Variants in APOBEC3B observed in about 807,000 individuals in gnomAD.
The protein encoded by APOBEC3B is DNA dC->dU-editing enzyme APOBEC-3B.
APOBEC3B carries 29 observed loss-of-function variants against 53.4 expected under a neutral mutation model. The observed-to-expected ratio is 0.54, with a 90% confidence interval of 0.40 to 0.74. The LOEUF (loss-of-function observed/expected upper bound fraction) is 0.74, where lower values mean the gene tolerates loss of function less well. Among genes scored for constraint, APOBEC3B ranks in the 30% least tolerant of loss-of-function variants. The probability of loss-of-function intolerance (pLI) is 0.00; values close to 1 mark genes in which losing one functional copy is unlikely to be tolerated. For missense variants in APOBEC3B, 347 were observed against 496.2 expected (o/e 0.70, Z 2.86); for synonymous variants, 132 against 184.8 (o/e 0.71, Z 2.32).
chr22:38,983,970 C>G lies in APOBEC3B; in HGVS notation c.18-105C>G, dbSNP rs115649149. 1,819 of 1,357,720 alleles carry G rather than the reference C, an allele frequency of 1.3e-3. 268 individuals carry two copies. The East Asian group carries it at 0.042, about 31-fold the overall frequency. 84.1% of individuals were successfully genotyped at this position (1,357,720 alleles called of 1,614,324 possible). On this transcript the variant is annotated intron_variant, in intron 1 of 7. Transcript: ENST00000333467. ...GAAATTCTCAGGGCTGTGGAGGGGT[C>G]GGGGAGGCCCAGGGCCATCCTGGGA...
chr22:38,987,438 C>T (rs745596816), intron 4 of APOBEC3B, among the ~76,000 whole-genome samples: 3 of 148,530 alleles, frequency 2.0e-5, no homozygotes, highest in African/African-American at 4.9e-5. Flanking sequence ...TGAAAGTCAC[C>T]GCTGGGCTGG....
chr22:38,991,171 A>T (rs567691394), intron 5 of APOBEC3B, among the ~76,000 whole-genome samples, 161 bp from the exon 6 acceptor site: 3 of 148,576 alleles, frequency 2.0e-5, no homozygotes, highest in Non-Finnish European at 4.5e-5. Context: ...ATAACATCTG[A>T]TATTTTTAAT....
At chr22:38,984,029 C>A (rs377626351) in intron 1 of APOBEC3B, 46 bp from the exon 2 acceptor site, 9 of 1,565,332 alleles carry the variant, frequency 5.7e-6, no homozygotes, top group South Asian at 1.2e-5. Flanking sequence ...CCGAGGACTC[C>A]CGGGAGGGCT....
intron 4 of APOBEC3B, among the ~76,000 whole-genome samples, 153 bp from the exon 5 acceptor site, chr22:38,989,304 T>C (rs927507697): frequency 7.4e-5 from 11 of 147,916 alleles, no homozygotes; most frequent in African/African-American, 2.7e-4. Flanking sequence ...AGAGAGAGGA[T>C]CAGTGGCCCC....
chr22:38,990,066 G>A lies in APOBEC3B; in HGVS notation c.723+456G>A, dbSNP rs1266639888. 6.0e-5 allele frequency among the ~76,000 whole-genome samples: 5 copies of A among 83,118 alleles called. 1 individual carries two copies. Among genetic ancestry groups the A allele is most frequent in the African/African-American group, 1.0e-4 (2 of 19,558 alleles). 54.5% of individuals were successfully genotyped at this position (83,118 alleles called of 152,430 possible). The stretch of plus-strand genomic sequence containing the variant: ...AACAGGTCCCATGTCAGGATGCAAA[G>A]ATGGCCAGCAGTTGGGGAAGAACTG... On this transcript the variant is annotated intron_variant, in intron 5 of 7. Coordinates refer to ENST00000333467, the MANE Select transcript of APOBEC3B (RefSeq NM_004900.5).
Position 38,992,019 on chromosome 22 carries a change from C to A in APOBEC3B, c.1019-15C>A. ...CACAACAGGAGCGTGACTTATCTCC[C>A]CTGTCCCTTTTCAGAGTTTGAGTAC... is the stretch of plus-strand genomic sequence containing the variant. On this transcript the variant is annotated splice_polypyrimidine_tract_variant and intron_variant, in intron 6 of 7. Coordinates refer to ENST00000333467, the MANE Select transcript of APOBEC3B (RefSeq NM_004900.5). The A allele has an allele frequency of 6.4e-7, 1 of 1,569,038 alleles. No individual in the cohort carries two copies. Among genetic ancestry groups the A allele is most frequent in the East Asian group, 2.5e-5 (1 of 39,362 alleles).
intron 4 of APOBEC3B, among the ~76,000 whole-genome samples, chr22:38,988,880 G>A (rs1923879055): frequency 6.8e-6 from 1 of 146,436 alleles, no homozygotes; most frequent in African/African-American, 2.5e-5. Flanking sequence ...TCCAGCCCAG[G>A]AGTCCTGAGC....
intron 4 of APOBEC3B, among the ~76,000 whole-genome samples, chr22:38,988,648 C>T (rs1426679580): frequency 1.6e-5 from 2 of 121,478 alleles, no homozygotes; most frequent in African/African-American, 3.2e-5. Context: ...TTCCTTCCTT[C>T]CTTCCTTCCT....
intron 4 of APOBEC3B, 72 bp downstream of exon 4, chr22:38,986,484 T>A (rs2091986066): frequency 6.6e-7 from 1 of 1,520,224 alleles, no homozygotes; most frequent in African/African-American, 1.4e-5. Flanking sequence ...TCCGTTGGCC[T>A]GGCCCTCCCG....
At chr22:38,987,367 C>T (rs1262785747) in intron 4 of APOBEC3B, among the ~76,000 whole-genome samples, 2 of 147,776 alleles carry the variant, frequency 1.4e-5, no homozygotes, top group Admixed American at 7.0e-5. Flanking sequence ...CCCACTGCTG[C>T]TTCTGAATGG....
rs374260464 is a variant in APOBEC3B, at chr22:38,991,488, C to T, written c.880C>T (p.Arg294Cys). The change falls in exon 6 of 8, where the codon CGT (arginine) becomes TGT (cysteine). Residue 294 changes from arginine (R) to cysteine (C), a missense_variant. Arg to Cys is a radical substitution (Grantham distance 180). Coordinates refer to ENST00000333467, the MANE Select transcript of APOBEC3B (RefSeq NM_004900.5). ...CFSWGCAGEV[R>C]AFLQENTHVR... The stretch of plus-strand genomic sequence containing the variant: ...CTCCTGGGGCTGTGCCGGGGAAGTG[C>T]GTGCGTTCCTTCAGGAGAACACACA... 4.4e-6 allele frequency: 7 copies of T among 1,593,726 alleles called. No homozygotes were observed. Among genetic ancestry groups the T allele is most frequent in the South Asian group, 1.1e-5 (1 of 88,792 alleles).
chr22:38,983,467 G>A (rs538456140), intron 1 of APOBEC3B, among the ~76,000 whole-genome samples: 3 of 148,938 alleles, frequency 2.0e-5, no homozygotes, highest in African/African-American at 7.3e-5. Context: ...GTGATGCAGA[G>A]GCTGGACAGG....
intron 4 of APOBEC3B, 131 bp from the exon 5 acceptor site, chr22:38,989,326 T>G: frequency 6.3e-6 from 5 of 789,034 alleles, no homozygotes; most frequent in Non-Finnish European, 5.6e-6. Flanking sequence ...ACAAAGGGAG[T>G]GGAAGCGCCT....
In APOBEC3B at chr22:38,984,229, C is replaced by T; in HGVS notation, c.172C>T (p.Gln58Ter). Reference sequence around the variant, plus strand: ...TTGGGACACAGGGGTCTTTCGAGGCCAGGTACCACCCAAACTTCAATCGAA... The same window carrying T: ...TTGGGACACAGGGGTCTTTCGAGGCTAGGTACCACCCAAACTTCAATCGAA... ...LLWDTGVFRG[Q>*]VYFKPQYHAE... The change falls in exon 2 of 8, where the codon CAG becomes TAG. Residue 58 changes from glutamine to a stop codon, truncating the protein, a stop_gained and splice_region_variant. Transcript: ENST00000333467. LOFTEE classifies it high-confidence loss of function. The T allele has an allele frequency of 6.3e-7, 1 of 1,591,234 alleles. No homozygotes were observed. Among genetic ancestry groups the T allele is most frequent in the Non-Finnish European group, 8.5e-7 (1 of 1,171,986 alleles).
At chr22:38,988,687 T>TTTCTCTCTCTC (rs1491021212) in intron 4 of APOBEC3B, among the ~76,000 whole-genome samples, 4 of 45,184 alleles carry the variant, frequency 8.9e-5, no homozygotes, top group East Asian at 7.5e-4. Flanking sequence ...CTCTTTCTCT[T>TTTCTCTCTCTC]TCTTTCTTTC....
intron 4 of APOBEC3B, among the ~76,000 whole-genome samples, chr22:38,988,683 CTCTTTCTTTCTTTCTT>C (rs767344337): frequency 6.3e-5 from 3 of 47,512 alleles, no homozygotes; most frequent in Non-Finnish European, 1.2e-4. Flanking sequence ...TTCTCTCTTT[CTCTTTCTTTCTTTCTT>C]TCTTTCTTTC....
At chr22:38,988,681 T>TTCTTTC (rs1923839471) in intron 4 of APOBEC3B, among the ~76,000 whole-genome samples, 2 of 63,602 alleles carry the variant, frequency 3.1e-5, no homozygotes, top group African/African-American at 1.3e-4. Context: ...CTTTCTCTCT[T>TTCTTTC]TCTCTTTCTT....
At position 38,986,332 on chromosome 22, in the gene APOBEC3B, T is replaced by C. The variant is rs747310374; in HGVS notation, c.489T>C (p.Asn163=). ...FAYCWENFVY[N]EGQQFMPWYK... is the part of the protein sequence containing the mutation. ...ACTGCTGGGAAAACTTTGTGTACAA[T>C]GAAGGTCAGCAATTCATGCCTTGGT... The change falls in exon 4 of 8, where the codon AAT becomes AAC. Residue 163 remains asparagine, a synonymous_variant. Coordinates refer to ENST00000333467, the MANE Select transcript of APOBEC3B (RefSeq NM_004900.5). 1.3e-6 allele frequency: 2 copies of C among 1,593,824 alleles called. No individual in the cohort carries two copies. The highest frequency in any genetic ancestry group is 1.7e-6 in the Non-Finnish European group (2 of 1,172,648).
Position 38,982,347 on chromosome 22 carries a change from A to C in APOBEC3B, c.-107A>C. The C allele has an allele frequency of 1.3e-6, 2 of 1,483,234 alleles. 1 individual carries two copies. Among genetic ancestry groups the C allele is most frequent in the South Asian group, 2.4e-5 (2 of 84,544 alleles). 91.9% of individuals were successfully genotyped at this position (1,483,234 alleles called of 1,614,324 possible). On this transcript the variant is annotated 5_prime_UTR_variant, in exon 1 of 8. Transcript: ENST00000333467. Reference sequence around the variant, plus strand: ...ATGACTCATAAGGCCCTGGGAGGTCACTTTAAGGAGGGCTGTCCAACTGCA... The same window carrying C: ...ATGACTCATAAGGCCCTGGGAGGTCCCTTTAAGGAGGGCTGTCCAACTGCA...
Sources: allele counts gnomAD v4.1 joint callset (sites outside exome capture counted in the v4.1 genomes callset), GRCh38; gene constraint gnomAD v4.1.1; transcripts MANE v1.5; gene names NCBI Gene and HGNC (gene_info 2026-07-23, HGNC 2026-07-21).